The following TRIM16 variants were observed in gnomAD, a reference collection of about 807,000 sequenced individuals.
TRIM16 encodes tripartite motif containing 16.
In TRIM16, 33 loss-of-function variants were observed where a neutral mutation model predicts 50.4. The observed-to-expected ratio is 0.65, with a 90% CI of 0.50 to 0.88. The LOEUF (loss-of-function observed/expected upper bound fraction) is 0.88, where lower values mean the gene tolerates loss of function less well. Ranked by LOEUF, TRIM16 falls within the 40% of genes least tolerant of loss-of-function variation. The pLI is 0.00. For synonymous variants in TRIM16, 229 were observed against 270.7 expected (o/e 0.85, Z 1.51); for missense variants, 581 against 686.8 (o/e 0.85, Z 1.72).
intron 7 of TRIM16, among the ~76,000 whole-genome samples, chr17:15,645,797 ACT>A (rs1389924248): frequency 1.3e-5 from 2 of 152,204 alleles, no homozygotes; most frequent in Admixed American, 6.5e-5. Context: ...GCTCCAGGTC[ACT>A]GAGAGTGGAG....
chr17:15,663,572 T>C (rs1294100667), intron 6 of TRIM16, among the ~76,000 whole-genome samples: 1 of 152,206 alleles, frequency 6.6e-6, no homozygotes, highest in Admixed American at 6.5e-5. Flanking sequence ...AGTGACACTG[T>C]TGAGCTGTTA....
At position 15,678,677 on chromosome 17, in the gene TRIM16, A is replaced by G. The variant is rs140268850; in HGVS notation, c.-589-956T>C. ...CTATGACAGCAAACAATACACTTCT[A>G]TTGTATTAAGGCCATATATATTTTG... On this transcript the variant is annotated intron_variant, in intron 4 of 11. Coordinates refer to ENST00000649191, the MANE Select transcript of TRIM16 (RefSeq NM_001348119.1). Among the ~76,000 whole-genome samples, 21 of 152,320 alleles carry G rather than the reference A, an allele frequency of 1.4e-4. No individual in the cohort carries two copies. The East Asian group carries it at 4.0e-3, about 29-fold the overall frequency.
At chr17:15,647,554 G>A (rs902033296) in intron 7 of TRIM16, among the ~76,000 whole-genome samples, 18 of 152,196 alleles carry the variant, frequency 1.2e-4, no homozygotes, top group African/African-American at 3.6e-4. Flanking sequence ...TTAGGAACCT[G>A]CACTGACCTC....
chr17:15,632,689 ACAG>A lies in TRIM16; in HGVS notation c.850-18_850-16del. 6.4e-7 allele frequency: 1 copy of A among 1,556,080 alleles called. No homozygotes were observed. The highest frequency in any genetic ancestry group is 8.7e-7 in the Non-Finnish European group (1 of 1,150,962). ...TTGCAGTACTCCTGCAGAAAAGGAAACAGCAGAACTTGCTGTGGTTTCTGTATT... is the reference window on the plus strand; with the variant it reads ...TTGCAGTACTCCTGCAGAAAAGGAAACAGAACTTGCTGTGGTTTCTGTATT... On this transcript the variant is annotated splice_polypyrimidine_tract_variant and intron_variant, in intron 9 of 11. Transcript: ENST00000649191.
At chr17:15,666,345 G>A (rs1191172018) in intron 6 of TRIM16, among the ~76,000 whole-genome samples, 6 of 152,292 alleles carry the variant, frequency 3.9e-5, no homozygotes, top group Middle Eastern at 3.4e-3. Context: ...GCCTCCCAAA[G>A]TGTTGGGATT....
chr17:15,646,969 C>CTT (rs145313229), intron 7 of TRIM16, among the ~76,000 whole-genome samples: 3 of 140,584 alleles, frequency 2.1e-5, no homozygotes, highest in African/African-American at 7.8e-5. Context: ...GAAATAAATT[C>CTT]TTTTTTTTTT....
chr17:15,657,165 A>G (rs1988019576), intron 6 of TRIM16, among the ~76,000 whole-genome samples: 2 of 152,178 alleles, frequency 1.3e-5, no homozygotes, highest in South Asian at 4.1e-4. Flanking sequence ...TAAAATACAA[A>G]TAACATAAAA....
chr17:15,637,116 G>A (rs1453874307), intron 8 of TRIM16, among the ~76,000 whole-genome samples: 7 of 24,794 alleles, frequency 2.8e-4, no homozygotes, highest in South Asian at 1.0e-3. Flanking sequence ...GGAGGGAGGT[G>A]GGGGGGGGGG....
intron 6 of TRIM16, among the ~76,000 whole-genome samples, chr17:15,668,467 C>T (rs1477133412): frequency 6.6e-6 from 1 of 152,162 alleles, no homozygotes; most frequent in Non-Finnish European, 1.5e-5. Flanking sequence ...CTTTCCATGG[C>T]TCTAAGAATA....
chr17:15,635,690 C>T (rs1371926441), intron 9 of TRIM16, among the ~76,000 whole-genome samples: 1 of 122,128 alleles, frequency 8.2e-6, no homozygotes, highest in African/African-American at 3.4e-5. Flanking sequence ...GCACCCAGTA[C>T]CCCAGGCTCC....
intron 6 of TRIM16, among the ~76,000 whole-genome samples, chr17:15,662,874 G>A (rs1988303670): frequency 6.6e-6 from 1 of 152,200 alleles, no homozygotes; most frequent in South Asian, 2.1e-4. Flanking sequence ...GGTCTTGGTA[G>A]GCTACATGAG....
chr17:15,633,455 G>T (rs1236318874), intron 9 of TRIM16, among the ~76,000 whole-genome samples: 1 of 149,690 alleles, frequency 6.7e-6, no homozygotes, highest in Non-Finnish European at 1.5e-5. Context: ...AAGTTATTCG[G>T]ATAAGTTATT....
At chr17:15,683,225 ACT>A (rs1463584426) in intron 1 of TRIM16, 68 bp from the exon 2 acceptor site, 13 of 1,209,434 alleles carry the variant, frequency 1.1e-5, no homozygotes, top group Middle Eastern at 1.9e-4. Flanking sequence ...ATTCTCTGAG[ACT>A]CTACTCAGAA....
At chr17:15,630,654 A>T (rs1326454606) in intron 11 of TRIM16, among the ~76,000 whole-genome samples, 1 of 151,484 alleles carries the variant, frequency 6.6e-6, no homozygotes, top group African/African-American at 2.4e-5. Flanking sequence ...ACAATTGTTT[A>T]AAAATTTTTT....
chr17:15,652,067 A>C, intron 6 of TRIM16, 121 bp from the exon 7 acceptor site: 1 of 719,650 alleles, frequency 1.4e-6, no homozygotes, highest in Non-Finnish European at 1.7e-6. Context: ...GGACTTCAAC[A>C]CCAGGACAGC....
intron 11 of TRIM16, among the ~76,000 whole-genome samples, chr17:15,629,708 G>C (rs1431519107): frequency 6.6e-6 from 1 of 152,074 alleles, no homozygotes; most frequent in African/African-American, 2.4e-5. Context: ...AGAATAATAG[G>C]GTCTCATGCA....
intron 8 of TRIM16, among the ~76,000 whole-genome samples, chr17:15,641,692 G>C (rs1345036153): frequency 6.7e-6 from 1 of 148,554 alleles, no homozygotes; most frequent in African/African-American, 2.5e-5. Flanking sequence ...TCAGTAGCTA[G>C]TTGGTTGTAA....
At chr17:15,680,132 A>C (rs1369551670) in intron 4 of TRIM16, among the ~76,000 whole-genome samples, 1 of 152,108 alleles carries the variant, frequency 6.6e-6, no homozygotes, top group Non-Finnish European at 1.5e-5. Flanking sequence ...ACTTTCTATA[A>C]ATCTTTCAAG....
At chr17:15,652,318 CTTT>C (rs371423949) in intron 6 of TRIM16, among the ~76,000 whole-genome samples, 1 of 136,478 alleles carries the variant, frequency 7.3e-6, no homozygotes, top group African/African-American at 2.7e-5. Flanking sequence ...CGGCTAATTT[CTTT>C]TTTTTTTTTT....
Sources: gnomAD v4.1 joint callset for allele counts (sites outside exome capture counted in the v4.1 genomes callset) on GRCh38, gnomAD v4.1.1 for gene constraint, MANE v1.5 for transcripts, NCBI Gene and HGNC (gene_info 2026-07-23, HGNC 2026-07-21) for gene names.